Variants in AIG1 observed in about 807,000 individuals in gnomAD.
AIG1 encodes the protein androgen induced 1.
A neutral mutation model predicts 31.4 loss-of-function variants in AIG1; 23 were observed. The observed-to-expected ratio is 0.73, with a 90% CI of 0.53 to 1.04. The LOEUF (loss-of-function observed/expected upper bound fraction) is 1.04. AIG1 is among the 50% of genes least tolerant of loss of function. The pLI, the probability that AIG1 is intolerant of heterozygous loss-of-function variation, is 0.00. For missense variants in AIG1, 274 were observed against 295.0 expected, an observed-to-expected ratio of 0.93 and a Z score of 0.52; for synonymous variants, 100 against 110.5, an observed-to-expected ratio of 0.90 and a Z score of 0.60.
At chr6:143,108,151 C>T (rs1780963933) in intron 1 of AIG1, among the ~76,000 whole-genome samples, 1 of 152,174 alleles carries the variant, frequency 6.6e-6, no homozygotes, top group African/African-American at 2.4e-5. Flanking sequence ...AGCGACTCTG[C>T]AGCACTTTTC....
chr6:143,214,528 C>G (rs1010819911), intron 3 of AIG1, among the ~76,000 whole-genome samples: 2 of 152,294 alleles, frequency 1.3e-5, no homozygotes, highest in African/African-American at 4.8e-5. Flanking sequence ...AGCACCATTG[C>G]AGAATATGTG....
At chr6:143,118,030 A>G (rs141830043) in intron 1 of AIG1, among the ~76,000 whole-genome samples, 1 of 152,340 alleles carries the variant, frequency 6.6e-6, no homozygotes, top group East Asian at 1.9e-4. Context: ...TCACAATAGT[A>G]TTTCAACAGA....
At chr6:143,154,829 T>TTTTTG (rs1353926527) in intron 2 of AIG1, among the ~76,000 whole-genome samples, 2 of 152,176 alleles carry the variant, frequency 1.3e-5, no homozygotes, top group East Asian at 3.9e-4. Flanking sequence ...ATTGAGGGCT[T>TTTTTG]TTTTGTTTTG....
intron 2 of AIG1, among the ~76,000 whole-genome samples, chr6:143,140,674 A>T (rs1006913041): frequency 6.6e-6 from 1 of 152,234 alleles, no homozygotes; most frequent in Non-Finnish European, 1.5e-5. Context: ...CATCAGAAGG[A>T]TGGAAGAGCA....
chr6:143,161,546 T>C (rs1355120460), intron 2 of AIG1, among the ~76,000 whole-genome samples: 28 of 150,268 alleles, frequency 1.9e-4, no homozygotes, highest in Non-Finnish European at 8.9e-5. Flanking sequence ...TATATGTGTG[T>C]ATATATATGT....
chr6:143,271,781 G>T (rs1406289707), intron 3 of AIG1, among the ~76,000 whole-genome samples: 1 of 152,164 alleles, frequency 6.6e-6, no homozygotes, highest in African/African-American at 2.4e-5. Context: ...GGGCAAAATA[G>T]CTCCCTTTCT....
At chr6:143,254,313 C>T (rs1795216668) in intron 3 of AIG1, among the ~76,000 whole-genome samples, 1 of 152,186 alleles carries the variant, frequency 6.6e-6, no homozygotes, top group South Asian at 2.1e-4. Context: ...GGAGGGGCAT[C>T]TAAAGTGGTC....
chr6:143,130,433 G>A (rs756023975), intron 1 of AIG1, among the ~76,000 whole-genome samples: 1 of 151,718 alleles, frequency 6.6e-6, no homozygotes, highest in South Asian at 2.1e-4. Flanking sequence ...AAGAACTTTT[G>A]GGGCCAGGTG....
rs926682788 is a variant in AIG1, at chr6:143,258,089, C to A, written c.400-26021C>A. On this transcript the variant is annotated intron_variant, in intron 3 of 5. Transcript: ENST00000357847. The surrounding 1 kb of genome is among the most constrained non-coding windows in gnomAD (Gnocchi z 4.7). ...GATGCCCAGAGTCCTCCAATTGAAT[C>A]CATGGTATCAACAGTATTTGAATCT... 7.9e-5 allele frequency among the ~76,000 whole-genome samples: 12 copies of A among 152,162 alleles called. No individual in the cohort carries two copies. Among genetic ancestry groups the A allele is most frequent in the South Asian group, 2.1e-4 (1 of 4,832 alleles).
chr6:143,120,055 G>T (rs182132059), intron 1 of AIG1, among the ~76,000 whole-genome samples: 18 of 152,006 alleles, frequency 1.2e-4, no homozygotes, highest in Non-Finnish European at 1.3e-4. Flanking sequence ...TCAGCCTCCC[G>T]AGTAGCTGGG....
In AIG1 at chr6:143,131,071, C is replaced by CT. The variant is rs945768141; in HGVS notation, c.142-5756dup. 7.1e-4 allele frequency among the ~76,000 whole-genome samples: 108 copies of CT among 152,128 alleles called. 1 individual carries two copies. Among genetic ancestry groups the CT allele is most frequent in the African/African-American group, 2.5e-3 (102 of 41,526 alleles). Reference sequence around the variant, plus strand: ...CCAACGTTACATTTATACTTACATGCTTTTTTTTGTTTTGGTTTGGTTTTT... The same window carrying CT: ...CCAACGTTACATTTATACTTACATGCTTTTTTTTTGTTTTGGTTTGGTTTTT... On this transcript the variant is annotated intron_variant, in intron 1 of 5. Transcript: ENST00000357847.
At position 143,284,150 on chromosome 6, in the gene AIG1, C is replaced by T; in HGVS notation, c.440C>T (p.Thr147Ile). ...VLPFILIEMR[T>I]SHHQYPSRSS... is the part of the protein sequence containing the mutation. ...CCCTTTATATTAATCGAGATGAGGA[C>T]ATCGCACCATCAGTATCCCAGCAGG... Residue 147 changes from threonine to isoleucine, a missense_variant, in exon 4 of 6, where the codon ACA becomes ATA. Thr to Ile is a moderately conservative substitution (Grantham distance 89, BLOSUM62 -1). Transcript: ENST00000357847. This position sits in a 1 kb window ranked among gnomAD's most constrained non-coding sequence, Gnocchi z 4.4. The T allele has an allele frequency of 6.2e-7, 1 of 1,614,036 alleles. No homozygotes were observed. The highest frequency in any genetic ancestry group is 8.5e-7 in the Non-Finnish European group (1 of 1,179,948).
intron 1 of AIG1, among the ~76,000 whole-genome samples, chr6:143,126,766 C>T (rs1174878396): frequency 6.6e-6 from 1 of 152,182 alleles, no homozygotes; most frequent in Non-Finnish European, 1.5e-5. Context: ...CAAGCTCACA[C>T]CATTTCTCTG....
At position 143,116,476 on chromosome 6, in the gene AIG1, A is replaced by G. The variant is rs781075773; in HGVS notation, c.142-20359A>G. Among the ~76,000 whole-genome samples the G allele has an allele frequency of 6.6e-5, 10 of 151,998 alleles. 1 individual carries two copies. Among genetic ancestry groups the G allele is most frequent in the African/African-American group, 1.2e-4 (5 of 41,380 alleles). ...AAAATATACAAAAATCCCTGCCCTC[A>G]TGGAGCATAGATTCAGTGGGGGTGA... On this transcript the variant is annotated intron_variant, in intron 1 of 5. Transcript: ENST00000357847.
intron 2 of AIG1, among the ~76,000 whole-genome samples, chr6:143,144,968 A>T (rs1784585805): frequency 6.6e-6 from 1 of 152,188 alleles, no homozygotes. Context: ...TTAATATCTC[A>T]CAAGACGTGG....
intron 3 of AIG1, among the ~76,000 whole-genome samples, chr6:143,193,239 T>C (rs921706864): frequency 7.2e-5 from 11 of 152,354 alleles, no homozygotes; most frequent in Middle Eastern, 3.4e-3. Context: ...TATGTTCCTT[T>C]CTGTTAATAA....
At position 143,329,307 on chromosome 6, in the gene AIG1, C is replaced by T. The variant is rs1269575331; in HGVS notation, c.516-3975C>T. The stretch of plus-strand genomic sequence containing the variant: ...AGCTTTGCCAGTTTTATGATAAGTT[C>T]TTTAGTCTGATCTCAGTTTCTTTAC... On this transcript the variant is annotated intron_variant, in intron 4 of 5. Transcript: ENST00000357847. The surrounding 1 kb of genome is among the most constrained non-coding windows in gnomAD (Gnocchi z 4.9). Among the ~76,000 whole-genome samples, 1 of 152,164 alleles carries T rather than the reference C, an allele frequency of 6.6e-6. No individual in the cohort carries two copies. The highest frequency in any genetic ancestry group is 1.9e-4 in the East Asian group (1 of 5,202).
In AIG1 at chr6:143,310,125, C is replaced by A. The variant is rs563751467; in HGVS notation, c.516-23157C>A. On this transcript the variant is annotated intron_variant, in intron 4 of 5. Coordinates refer to ENST00000357847, the MANE Select transcript of AIG1 (RefSeq NM_016108.4). ...TTCATACAGATATAGTTGACCTGAA[C>A]AACCATCAATCAACTTGATCTAATT... is the stretch of plus-strand genomic sequence containing the variant. 7.9e-5 allele frequency among the ~76,000 whole-genome samples: 12 copies of A among 152,002 alleles called. No homozygotes were observed. The East Asian group carries it at 2.1e-3, about 27-fold the overall frequency.
intron 1 of AIG1, among the ~76,000 whole-genome samples, chr6:143,086,103 A>T (rs559103660): frequency 3.3e-4 from 50 of 152,254 alleles, no homozygotes; most frequent in African/African-American, 1.2e-3. Flanking sequence ...TCTGTTAGCA[A>T]AGCAGTTGCT....
Sources: gnomAD v4.1 joint callset for allele counts (sites outside exome capture counted in the v4.1 genomes callset) on GRCh38, gnomAD v4.1.1 for gene constraint, Gnocchi (gnomAD v3.1) non-coding constraint, MANE v1.5 for transcripts, NCBI Gene and HGNC (gene_info 2026-07-23, HGNC 2026-07-21) for gene names.